The following ANO2 variants were observed in gnomAD, a reference collection of about 807,000 sequenced individuals.
The protein encoded by ANO2 is anoctamin 2.
A neutral mutation model predicts 124.2 loss-of-function variants in ANO2; 101 were observed. That is an observed-to-expected ratio of 0.81 (90% CI 0.69 to 0.96). The LOEUF is 0.96. Among genes scored for constraint, ANO2 ranks in the 40% least tolerant of loss-of-function variants. The pLI is 0.00. For missense variants in ANO2, 1,293 were observed against 1,274.5 expected, an observed-to-expected ratio of 1.01 and a Z score of -0.22; for synonymous variants, 486 against 482.5, an observed-to-expected ratio of 1.01 and a Z score of -0.09.
In ANO2 at chr12:5,920,239, C is replaced by T. The variant is rs190011430; in HGVS notation, c.534+801G>A. On this transcript the variant is annotated intron_variant, in intron 3 of 24. Coordinates refer to ENST00000682330, the MANE Select transcript of ANO2 (RefSeq NM_001364791.2). ...GATAAAATATGTCCTATGTATGTCC[C>T]AACTCAGTTTCCAAATACATCTCAA... Among the ~76,000 whole-genome samples, 255 of 152,248 alleles carry T rather than the reference C, an allele frequency of 1.7e-3. 3 individuals are homozygous for T. Among genetic ancestry groups the T allele is most frequent in the Non-Finnish European group, 3.2e-3 (221 of 68,020 alleles).
intron 7 of ANO2, among the ~76,000 whole-genome samples, chr12:5,809,439 C>A (rs1664886470): frequency 6.6e-6 from 1 of 152,138 alleles, no homozygotes; most frequent in Non-Finnish European, 1.5e-5. Flanking sequence ...TACAGTCACA[C>A]CCCACAGTTG....
At position 5,921,195 on chromosome 12, in the gene ANO2, A is replaced by G. The variant is rs1419976727; in HGVS notation, c.379T>C (p.Ser127Pro). Residue 127 changes from serine to proline, a missense_variant, in exon 3 of 25, where the codon TCC becomes CCC. Transcript: ENST00000682330. Reference sequence around the variant, plus strand: ...GGCTCCTTGCCTGTCTCCCCATTGGAGACGATAGCCAGCGAGTGGCCAGGG... The same window carrying G: ...GGCTCCTTGCCTGTCTCCCCATTGGGGACGATAGCCAGCGAGTGGCCAGGG... ...GFPGHSLAIV[S>P]NGETGKEPHA... 6.2e-7 allele frequency: 1 copy of G among 1,613,786 alleles called. No homozygotes were observed. Among genetic ancestry groups the G allele is most frequent in the South Asian group, 1.1e-5 (1 of 91,048 alleles).
chr12:5,686,705 C>T (rs528292621), intron 14 of ANO2, among the ~76,000 whole-genome samples: 2 of 152,216 alleles, frequency 1.3e-5, no homozygotes, highest in Non-Finnish European at 2.9e-5. Context: ...AGGCAGCAAG[C>T]GCCCACCCAA....
intron 1 of ANO2, among the ~76,000 whole-genome samples, chr12:5,924,259 C>T (rs1228478211): frequency 1.3e-5 from 2 of 152,244 alleles, no homozygotes; most frequent in Non-Finnish European, 1.5e-5. Flanking sequence ...CTAGAACATT[C>T]GGTCCCTGCA....
At chr12:5,801,720 C>G (rs901292451) in intron 9 of ANO2, among the ~76,000 whole-genome samples, 1 of 152,230 alleles carries the variant, frequency 6.6e-6, no homozygotes, top group Non-Finnish European at 1.5e-5. Context: ...GGAGGAAACC[C>G]AGATACAAAA....
intron 14 of ANO2, among the ~76,000 whole-genome samples, chr12:5,703,807 A>T (rs977369955): frequency 6.6e-6 from 1 of 152,182 alleles, no homozygotes; most frequent in African/African-American, 2.4e-5. Flanking sequence ...TCAACCTCCC[A>T]AAATGCTGGG....
intron 3 of ANO2, among the ~76,000 whole-genome samples, chr12:5,861,349 G>T (rs1195473279): frequency 6.6e-6 from 1 of 152,108 alleles, no homozygotes; most frequent in Non-Finnish European, 1.5e-5. Flanking sequence ...GGGAAGAAGG[G>T]GTTCGTACCC....
chr12:5,824,985 C>T (rs553931996), intron 7 of ANO2, among the ~76,000 whole-genome samples: 1 of 152,120 alleles, frequency 6.6e-6, no homozygotes, highest in Admixed American at 6.5e-5. Context: ...ATTGAATTAC[C>T]TCCCCCTGGG....
At chr12:5,570,698 G>A (rs756245431) in intron 23 of ANO2, among the ~76,000 whole-genome samples, 47 of 152,260 alleles carry the variant, frequency 3.1e-4, no homozygotes, top group Non-Finnish European at 3.7e-4. Context: ...ATGAGCTTTT[G>A]TTATGTAATG....
intron 7 of ANO2, among the ~76,000 whole-genome samples, chr12:5,811,861 C>T (rs981096542): frequency 1.3e-5 from 2 of 152,146 alleles, no homozygotes; most frequent in East Asian, 3.9e-4. Flanking sequence ...TCCATAATCT[C>T]CCACTTCCAG....
chr12:5,873,086 A>C (rs1011739188), intron 3 of ANO2, among the ~76,000 whole-genome samples: 3 of 152,162 alleles, frequency 2.0e-5, no homozygotes, highest in Non-Finnish European at 4.4e-5. Flanking sequence ...GGCTACTGTA[A>C]ATCACTAATT....
chr12:5,623,699 T>G (rs1945242725), intron 16 of ANO2, among the ~76,000 whole-genome samples: 1 of 152,176 alleles, frequency 6.6e-6, no homozygotes, highest in Non-Finnish European at 1.5e-5. Context: ...TCCTCCTGAC[T>G]GGTGTCTTCG....
At chr12:5,924,101 A>G (rs1298103988) in intron 1 of ANO2, among the ~76,000 whole-genome samples, 1 of 152,210 alleles carries the variant, frequency 6.6e-6, no homozygotes, top group Non-Finnish European at 1.5e-5. Flanking sequence ...GTAACACCTT[A>G]TGTCTCCAAC....
chr12:5,659,429 G>GC lies in ANO2; in HGVS notation c.1546-11629dup, dbSNP rs113135775. Among the ~76,000 whole-genome samples the GC allele has an allele frequency of 8.5e-4, 130 of 152,206 alleles. 1 individual carries two copies. The highest frequency in any genetic ancestry group is 3.1e-3 in the African/African-American group (127 of 41,536). ...CTGAGCCTCCAGGTCCCACCCCTCA[G>GC]CCCCGTGGACTCACCTATGACTGAC... On this transcript the variant is annotated intron_variant, in intron 14 of 24. Coordinates refer to ENST00000682330, the MANE Select transcript of ANO2 (RefSeq NM_001364791.2).
chr12:5,876,726 G>A (rs1215185701), intron 3 of ANO2, among the ~76,000 whole-genome samples: 1 of 152,146 alleles, frequency 6.6e-6, no homozygotes, highest in East Asian at 1.9e-4. Flanking sequence ...ACTAACACAG[G>A]AACAGAAAAC....
chr12:5,565,354 A>G (rs1941684692), intron 24 of ANO2, among the ~76,000 whole-genome samples: 1 of 152,178 alleles, frequency 6.6e-6, no homozygotes, highest in South Asian at 2.1e-4. Context: ...CTCTGTCTGC[A>G]AAGTCCACCC....
chr12:5,859,012 G>A (rs2137262180), intron 3 of ANO2, among the ~76,000 whole-genome samples: 1 of 152,264 alleles, frequency 6.6e-6, no homozygotes, highest in East Asian at 1.9e-4. Context: ...CCAGAATTTG[G>A]GGACAAGGTC....
In ANO2 at chr12:5,645,750, C is replaced by T. The variant is rs548845792; in HGVS notation, c.1620+1977G>A. Among the ~76,000 whole-genome samples the T allele has an allele frequency of 1.1e-3, 160 of 152,222 alleles. 1 individual carries two copies. The highest frequency in any genetic ancestry group is 3.7e-3 in the African/African-American group (154 of 41,532). On this transcript the variant is annotated intron_variant, in intron 15 of 24. Transcript: ENST00000682330. ...GTTTTTGACTGTGTTCTCTTTATTG[C>T]CCTTGAAAAATTCTTTTGGGTGATT... is the stretch of plus-strand genomic sequence containing the variant.
At chr12:5,773,732 C>G (rs1044646895) in intron 10 of ANO2, among the ~76,000 whole-genome samples, 1 of 152,164 alleles carries the variant, frequency 6.6e-6, no homozygotes, top group South Asian at 2.1e-4. Flanking sequence ...GCCACCGCCC[C>G]CTACAGCAGG....
Sources: gnomAD v4.1 joint callset for allele counts (sites outside exome capture counted in the v4.1 genomes callset) on GRCh38, gnomAD v4.1.1 for gene constraint, MANE v1.5 for transcripts, NCBI Gene and HGNC (gene_info 2026-07-23, HGNC 2026-07-21) for gene names.